The following TAF2 variants were observed in gnomAD, a reference collection of about 807,000 sequenced individuals.
TAF2 encodes TATA-box binding protein associated factor 2, also known as transcription initiation factor TFIID subunit 2.
A neutral mutation model predicts 138.5 loss-of-function variants in TAF2; 61 were observed. The observed-to-expected ratio is 0.44, with a 90% CI of 0.36 to 0.54. The LOEUF is 0.54. Among genes scored for constraint, TAF2 ranks in the 20% least tolerant of loss-of-function variants. TAF2 has a pLI of 0.00. For synonymous variants in TAF2, 475 were observed against 469.9 expected (o/e 1.01, Z -0.14); for missense variants, 1,090 against 1,427.9 (o/e 0.76, Z 3.81).
Position 119,797,117 on chromosome 8 carries a change from GA to G in TAF2, c.978-15del. 1 of 1,549,860 alleles carries G rather than the reference GA, an allele frequency of 6.5e-7. No individual in the cohort carries two copies. The highest frequency in any genetic ancestry group is 8.9e-7 in the Non-Finnish European group (1 of 1,122,208). ...AAAAGATTTGTGCTGGAATTTAAAA[GA>G]GAAGAAAGCTCATTATAACCAAGAA... is the stretch of plus-strand genomic sequence containing the variant. On this transcript the variant is annotated splice_polypyrimidine_tract_variant and intron_variant, in intron 7 of 25. Transcript: ENST00000378164.
intron 25 of TAF2, among the ~76,000 whole-genome samples, chr8:119,739,244 G>A (rs1819436674): frequency 6.6e-6 from 1 of 152,072 alleles, no homozygotes; most frequent in African/African-American, 2.4e-5. Context: ...GTCACCTCAA[G>A]CTCTGCAGTA....
At chr8:119,787,063 T>A (rs60145621) in intron 14 of TAF2, among the ~76,000 whole-genome samples, 40,072 of 152,044 alleles carry the variant, frequency 0.26, 5,970 homozygotes, top group Middle Eastern at 0.39. Context: ...TGGGATCTAA[T>A]GAAACTAAAG....
At position 119,801,929 on chromosome 8, in the gene TAF2, A is replaced by G; in HGVS notation, c.657T>C (p.Asp219=). The G allele has an allele frequency of 6.2e-7, 1 of 1,614,186 alleles. No homozygotes were observed. The highest frequency in any genetic ancestry group is 2.2e-5 in the East Asian group (1 of 44,882). Residue 219 remains aspartate (D), a synonymous_variant, in exon 6 of 26, where the codon GAT becomes GAC. Coordinates refer to ENST00000378164, the MANE Select transcript of TAF2 (RefSeq NM_003184.4). Reference sequence around the variant, plus strand: ...CATGAGTATACACTGTCTCCACCAAATCGCCATTAGAAACAGCAACCATTG... The same window carrying G: ...CATGAGTATACACTGTCTCCACCAAGTCGCCATTAGAAACAGCAACCATTG... ...DAAMVAVSNG[D]LVETVYTHDM...
rs1232295379 is a variant in TAF2 at position 119,746,724 on chromosome 8, A to T, written c.3089T>A (p.Leu1030Gln). The T allele has an allele frequency of 6.2e-7, 1 of 1,614,162 alleles. No homozygotes were observed. Among genetic ancestry groups the T allele is most frequent in the Non-Finnish European group, 8.5e-7 (1 of 1,180,010 alleles). Residue 1030 changes from leucine to glutamine, a missense_variant, in exon 23 of 26, where the codon CTA becomes CAA. Leu to Gln is a moderately radical substitution (Grantham distance 113). This residue lies in a region of TAF2 where 580 missense variants were observed against 719.6 expected (regional missense o/e 0.81). Transcript: ENST00000378164. Reference sequence around the variant, plus strand: ...TCTTACAGGGTTCTGAAATCCAACTAGCTGTGGGTGACTGCTTGGATTATT... The same window carrying T: ...TCTTACAGGGTTCTGAAATCCAACTTGCTGTGGGTGACTGCTTGGATTATT... ...AANNPSSHPQ[L>Q]VGFQNPFSSS... is the part of the protein sequence containing the mutation.
At chr8:119,740,824 T>A (rs546699267) in intron 25 of TAF2, among the ~76,000 whole-genome samples, 36 of 152,276 alleles carry the variant, frequency 2.4e-4, no homozygotes, top group South Asian at 1.2e-3. Flanking sequence ...AATATCACTG[T>A]TGAATTTTAA....
In TAF2 at chr8:119,816,090, G is replaced by A. The variant is rs527698747; in HGVS notation, c.299+3256C>T. 4.3e-4 allele frequency among the ~76,000 whole-genome samples: 55 copies of A among 129,256 alleles called. 1 individual carries two copies. The highest frequency in any genetic ancestry group is 3.6e-3 in the South Asian group (15 of 4,204). 84.8% of individuals were successfully genotyped at this position (129,256 alleles called of 152,430 possible). ...TTTTGAGACGGAGTCTTACTTTGTC[G>A]CCCAGGCTGGAGTGCAGTGGCGCGA... On this transcript the variant is annotated intron_variant, in intron 3 of 25. Coordinates refer to ENST00000378164, the MANE Select transcript of TAF2 (RefSeq NM_003184.4).
intron 3 of TAF2, among the ~76,000 whole-genome samples, chr8:119,812,315 T>C (rs1006888654): frequency 5.3e-5 from 8 of 150,300 alleles, no homozygotes; most frequent in African/African-American, 1.7e-4. Context: ...CCGAATGTGA[T>C]TGCTGCCTCA....
At chr8:119,793,245 T>C (rs978143025) in intron 10 of TAF2, 121 bp downstream of exon 10, 2 of 772,300 alleles carry the variant, frequency 2.6e-6, no homozygotes, top group African/African-American at 1.7e-5. Context: ...TAGCAAAGAA[T>C]AGCAATAAGA....
chr8:119,778,097 A>T lies in TAF2; in HGVS notation c.2286T>A (p.Asp762Glu). ...TMPVAMALLR[D>E]VHNLCPKEVL... ...CTTCTTTAGGACAAAGATTATGAAC[A>T]TCTCTTAATAAAGCCATTGCAACTG... The change falls in exon 18 of 26, where the codon GAT (aspartate) becomes GAA (glutamate). Residue 762 changes from aspartate to glutamate, a missense_variant. Physicochemically the swap from Asp to Glu is conservative, Grantham distance 45. Transcript: ENST00000378164. 1 of 1,602,902 alleles carries T rather than the reference A, an allele frequency of 6.2e-7. No individual in the cohort carries two copies. Among genetic ancestry groups the T allele is most frequent in the Non-Finnish European group, 8.5e-7 (1 of 1,171,224 alleles).
intron 18 of TAF2, among the ~76,000 whole-genome samples, chr8:119,773,741 C>A (rs996440306): frequency 1.3e-5 from 2 of 151,608 alleles, no homozygotes; most frequent in African/African-American, 4.8e-5. Context: ...TTCACCTCAA[C>A]AACTTACAGC....
chr8:119,832,002 T>C (rs954769045), intron 1 of TAF2, among the ~76,000 whole-genome samples: 3 of 151,922 alleles, frequency 2.0e-5, no homozygotes, highest in African/African-American at 7.3e-5. Context: ...CTACTAAAAA[T>C]ACAAAAGTTA....
rs1819685573 is a variant in TAF2, at chr8:119,742,738, A to G, written c.3215-82T>C. 5 of 1,543,818 alleles carry G rather than the reference A, an allele frequency of 3.2e-6. No individual in the cohort carries two copies. The East Asian group carries it at 9.6e-5, about 30-fold the overall frequency. ...AAAAAAAGGCTGACAGGTTTTTATA[A>G]GCTAGCCTTAAAGACAGAAGCAATT... On this transcript the variant is annotated intron_variant, in intron 24 of 25. Transcript: ENST00000378164.
At chr8:119,823,985 A>C (rs1825945412) in intron 2 of TAF2, among the ~76,000 whole-genome samples, 1 of 152,170 alleles carries the variant, frequency 6.6e-6, no homozygotes, top group African/African-American at 2.4e-5. Context: ...TGGAACTTTG[A>C]ACTTGAGAAA....
intron 5 of TAF2, among the ~76,000 whole-genome samples, chr8:119,803,209 A>G (rs1011980109): frequency 6.6e-6 from 1 of 152,220 alleles, no homozygotes; most frequent in African/African-American, 2.4e-5. Flanking sequence ...ATCTTGTAAT[A>G]TTCTTTGTCT....
intron 14 of TAF2, 92 bp from the exon 15 acceptor site, chr8:119,785,358 C>T (rs117733285): frequency 0.017 from 14,300 of 864,808 alleles, 203 homozygotes; most frequent in Middle Eastern, 0.077. Flanking sequence ...AAGTATTTCA[C>T]ACAACATTGA....
chr8:119,828,770 TG>T (rs1049766027), intron 2 of TAF2, among the ~76,000 whole-genome samples: 3 of 152,288 alleles, frequency 2.0e-5, no homozygotes, highest in Admixed American at 1.3e-4. Context: ...ATATTTTAGG[TG>T]GGAACAGGGC....
chr8:119,819,636 A>G (rs1825698181), intron 2 of TAF2, 130 bp from the exon 3 acceptor site: 2 of 717,732 alleles, frequency 2.8e-6, no homozygotes, highest in African/African-American at 1.7e-5. Context: ...ATACATACAT[A>G]TGCTCTCCAA....
rs138215847 is a variant in TAF2 at position 119,746,243 on chromosome 8, G to A, written c.3108+462C>T. Reference sequence around the variant, plus strand: ...AAAAAATTAGCCAGGCATGGTGGCAGTCACCTGTAATCCCAGCTACTCAGG... The same window carrying A: ...AAAAAATTAGCCAGGCATGGTGGCAATCACCTGTAATCCCAGCTACTCAGG... On this transcript the variant is annotated intron_variant, in intron 23 of 25. Transcript: ENST00000378164. Among the ~76,000 whole-genome samples, 14 of 151,884 alleles carry A rather than the reference G, an allele frequency of 9.2e-5. No individual in the cohort carries two copies. The East Asian group carries it at 2.7e-3, about 30-fold the overall frequency.
At chr8:119,825,713 C>G (rs1012535011) in intron 2 of TAF2, among the ~76,000 whole-genome samples, 1 of 152,060 alleles carries the variant, frequency 6.6e-6, no homozygotes, top group African/African-American at 2.4e-5. Flanking sequence ...GAGATGGAAT[C>G]TCGCTCTGTC....
Sources: gnomAD v4.1 joint callset for allele counts (sites outside exome capture counted in the v4.1 genomes callset) on GRCh38, gnomAD v4.1.1 for gene constraint, gnomAD v4.1.1 regional missense constraint, MANE v1.5 for transcripts, NCBI Gene and HGNC (gene_info 2026-07-23, HGNC 2026-07-21) for gene names.